HHIPL1: variants seen among roughly 807,000 people sequenced by gnomAD.
HHIPL1 encodes the protein HHIP-like protein 1.
Under a neutral mutation model 61.8 loss-of-function variants are expected in HHIPL1, and 43 were observed. That is an observed-to-expected ratio of 0.70 (90% CI 0.55 to 0.90). The LOEUF (loss-of-function observed/expected upper bound fraction) is 0.90, where lower values mean the gene tolerates loss of function less well. Ranked by LOEUF, HHIPL1 falls within the 40% of genes least tolerant of loss-of-function variation. The pLI, the probability that HHIPL1 is intolerant of heterozygous loss-of-function variation, is 0.00. For synonymous variants in HHIPL1, 482 were observed against 515.8 expected (o/e 0.93, Z 0.89); for missense variants, 1,056 against 1,157.7 (o/e 0.91, Z 1.28).
At chr14:99,669,351 G>A (rs2056300736) in intron 7 of HHIPL1, 3 of 1,002,344 alleles carry the variant, frequency 3.0e-6, no homozygotes, top group Non-Finnish European at 3.6e-6. Flanking sequence ...TCAACACTGG[G>A]TACGGACACA....
At chr14:99,643,877 G>A (rs955046131), upstream of HHIPL1, among the ~76,000 whole-genome samples, 4 of 152,304 alleles carry the variant, frequency 2.6e-5, no homozygotes, top group Non-Finnish European at 5.9e-5. Flanking sequence ...GCTTTGACAA[G>A]GTGACCATAG....
chr14:99,672,556 TG>T (rs550727172), intron 8 of HHIPL1, among the ~76,000 whole-genome samples, 157 bp downstream of exon 8: 110 of 152,280 alleles, frequency 7.2e-4, no homozygotes, highest in African/African-American at 2.5e-3. Context: ...TTAGACATGG[TG>T]GTAAGGTGGA....
At chr14:99,669,302 C>T (rs968253274) in intron 7 of HHIPL1, 29 of 1,026,800 alleles carry the variant, frequency 2.8e-5, no homozygotes, top group Middle Eastern at 4.7e-4. Flanking sequence ...CTTAGATTTT[C>T]GCTTCTCTGC....
At chr14:99,666,811 C>T (rs71422784) in intron 6 of HHIPL1, among the ~76,000 whole-genome samples, 3,113 of 152,314 alleles carry the variant, frequency 0.02, 56 homozygotes, top group Middle Eastern at 0.038. Context: ...CCCCCGACCT[C>T]CCCAGTGGGA....
At chr14:99,641,756 T>A (rs2055755314), upstream of HHIPL1, among the ~76,000 whole-genome samples, 1 of 152,086 alleles carries the variant, frequency 6.6e-6, no homozygotes. Flanking sequence ...TTTCTCCTTG[T>A]TCTTCTATAG....
At chr14:99,610,439 T>C in the HHIPL1 span, among the ~76,000 whole-genome samples, 5 of 152,178 alleles carry the variant, frequency 3.3e-5, no homozygotes, top group African/African-American at 9.7e-5. Flanking sequence ...TTCCTGTGCT[T>C]TCAGCTTACC....
the HHIPL1 span, among the ~76,000 whole-genome samples, chr14:99,609,790 T>C: frequency 6.6e-6 from 1 of 152,174 alleles, no homozygotes; most frequent in African/African-American, 2.4e-5. Context: ...GAACCGCTGA[T>C]GTTGCAAGGC....
chr14:99,620,504 C>T, the HHIPL1 span, among the ~76,000 whole-genome samples: 3 of 152,232 alleles, frequency 2.0e-5, no homozygotes, highest in South Asian at 2.1e-4. Flanking sequence ...CTGAGGGGCA[C>T]GAGAAGAGGG....
At position 99,675,178 on chromosome 14, in the gene HHIPL1, C is replaced by T. The variant is rs966374822; in HGVS notation, c.1901C>T (p.Pro634Leu). The stretch of plus-strand genomic sequence containing the variant: ...CGCCGAGGGCGCCCCACGGCCGCTC[C>T]CCCCGCGCCAACCCCGCGGCCAGCG... ...APRRGRPTAA[P>L]PAPTPRPARP... The change falls in exon 9 of 9, where the codon CCC (proline) becomes CTC (leucine). Residue 634 changes from proline (P) to leucine (L), a missense_variant. By Grantham distance (98) the Pro-to-Leu change is moderately conservative. Coordinates refer to ENST00000330710, the MANE Select transcript of HHIPL1 (RefSeq NM_001127258.3). The surrounding 1 kb of genome is among the most constrained non-coding windows in gnomAD (Gnocchi z 5.4). The T allele has an allele frequency of 8.0e-6, 9 of 1,125,678 alleles. No homozygotes were observed. Among genetic ancestry groups the T allele is most frequent in the African/African-American group, 5.0e-5 (3 of 59,546 alleles). The allele number at this position is 1,125,678 out of a possible 1,614,324, so 69.7% of individuals were successfully genotyped here. A position where few individuals can be genotyped will look rare whatever the true frequency, so the allele number is the denominator to read the frequency against.
the HHIPL1 span, among the ~76,000 whole-genome samples, chr14:99,621,964 C>G: frequency 4.1e-3 from 624 of 152,236 alleles, 3 homozygotes; most frequent in African/African-American, 0.014. Context: ...ATCCGCCCAC[C>G]TTGGCCTCCC....
chr14:99,635,603 G>C, the HHIPL1 span, among the ~76,000 whole-genome samples: 1 of 152,088 alleles, frequency 6.6e-6, no homozygotes, highest in African/African-American at 2.4e-5. Context: ...CAAGAGTCAG[G>C]CTCCCCTTTC....
chr14:99,626,399 C>G, the HHIPL1 span, among the ~76,000 whole-genome samples: 1 of 152,186 alleles, frequency 6.6e-6, no homozygotes, highest in South Asian at 2.1e-4. Context: ...CTGCTCTGTC[C>G]TGCCAGCCCG....
chr14:99,659,515 C>T lies in HHIPL1; in HGVS notation c.1134C>T (p.Phe378=). 1.3e-6 allele frequency: 2 copies of T among 1,542,786 alleles called. No individual in the cohort carries two copies. Among genetic ancestry groups the T allele is most frequent in the Middle Eastern group, 1.7e-4 (1 of 5,944 alleles). ...ACGGCATCCCGCCCGACAACCCGTT[C>T]GTGGGCGACCCCGCGGCGCAGCCCG... ...LPYGIPPDNP[F]VGDPAAQPEV... Residue 378 remains phenylalanine, a synonymous_variant, in exon 4 of 9, where the codon TTC becomes TTT. Coordinates refer to ENST00000330710, the MANE Select transcript of HHIPL1 (RefSeq NM_001127258.3).
chr14:99,652,953 C>G, intron 2 of HHIPL1, 83 bp downstream of exon 2: 2 of 1,347,036 alleles, frequency 1.5e-6, no homozygotes, highest in African/African-American at 1.4e-5. Context: ...GTATCCTGTT[C>G]TCACATATTG....
chr14:99,657,015 C>G lies in HHIPL1; in HGVS notation c.918C>G (p.Val306=). The G allele has an allele frequency of 6.2e-7, 1 of 1,610,468 alleles. No individual in the cohort carries two copies. Among genetic ancestry groups the G allele is most frequent in the Non-Finnish European group, 8.5e-7 (1 of 1,178,174 alleles). ...CTTCCTTTAGGATAATCCTGGAGGT[C>G]AAAGAACCAGCCTCAAACCACAACG... ...DHSSERIILE[V]KEPASNHNGG... Residue 306 remains valine, a synonymous_variant, in exon 3 of 9, where the codon GTC becomes GTG. Transcript: ENST00000330710.
At chr14:99,647,088 G>A (rs986975343) in intron 1 of HHIPL1, among the ~76,000 whole-genome samples, 2 of 152,084 alleles carry the variant, frequency 1.3e-5, no homozygotes, top group East Asian at 1.9e-4. Flanking sequence ...CCCAGTGGTC[G>A]CACAGCCCAG....
At chr14:99,607,228 CAG>C in the HHIPL1 span, among the ~76,000 whole-genome samples, 51 of 152,004 alleles carry the variant, frequency 3.4e-4, no homozygotes, top group African/African-American at 1.1e-3. Context: ...CCCATAGAGA[CAG>C]AGTCTCACTG....
chr14:99,664,934 G>A lies in HHIPL1; in HGVS notation c.1648+1913G>A, dbSNP rs192644913. Among the ~76,000 whole-genome samples, 404 of 135,998 alleles carry A rather than the reference G, an allele frequency of 3.0e-3. 4 individuals are homozygous for A. The highest frequency in any genetic ancestry group is 4.9e-3 in the Non-Finnish European group (315 of 63,734). 89.2% of individuals were successfully genotyped at this position (135,998 alleles called of 152,430 possible). A position where few individuals can be genotyped will look rare whatever the true frequency, so the allele number is the denominator to read the frequency against. ...TTTTTTCTTTTTTTTTTTTTTCCAA[G>A]ACTGAGCTTCGCTCTTGTTGCCCAG... is the stretch of plus-strand genomic sequence containing the variant. On this transcript the variant is annotated intron_variant, in intron 6 of 8. Transcript: ENST00000330710.
upstream of HHIPL1, among the ~76,000 whole-genome samples, chr14:99,642,519 A>G (rs1302366771): frequency 3.5e-5 from 5 of 144,002 alleles, no homozygotes; most frequent in Non-Finnish European, 7.6e-5. Context: ...CTTTTAATAT[A>G]TCTTTTAATT....
Sources: gnomAD v4.1 joint callset for allele counts (sites outside exome capture counted in the v4.1 genomes callset) on GRCh38, gnomAD v4.1.1 for gene constraint, Gnocchi (gnomAD v3.1) non-coding constraint, MANE v1.5 for transcripts, NCBI Gene and HGNC (gene_info 2026-07-23, HGNC 2026-07-21) for gene names.